Variants in KDM1B observed in about 807,000 individuals in gnomAD.
KDM1B encodes the protein lysine demethylase 1B.
In KDM1B, 63 loss-of-function variants were observed where a neutral mutation model predicts 107.4. The ratio of observed to expected loss-of-function variants is 0.59; its 90% CI spans 0.48 to 0.72. The LOEUF (loss-of-function observed/expected upper bound fraction) is 0.72. Ranked by LOEUF, KDM1B falls within the 30% of genes least tolerant of loss-of-function variation. The pLI is 0.00. For synonymous variants in KDM1B, 363 were observed against 363.9 expected (o/e 1.00, Z 0.03); for missense variants, 749 against 1,020.8 (o/e 0.73, Z 3.63).
chr6:18,187,138 T>A (rs1786919040), intron 8 of KDM1B, among the ~76,000 whole-genome samples: 1 of 152,214 alleles, frequency 6.6e-6, no homozygotes, highest in Non-Finnish European at 1.5e-5. Context: ...ACTTTCTTTT[T>A]ATTTCAGTAG....
intron 9 of KDM1B, among the ~76,000 whole-genome samples, chr6:18,188,442 T>C (rs1787032563): frequency 6.6e-6 from 1 of 152,140 alleles, no homozygotes; most frequent in Non-Finnish European, 1.5e-5. Flanking sequence ...CTGTCTTGTT[T>C]AATGATAACA....
chr6:18,163,597 A>G (rs1248045717), intron 5 of KDM1B, among the ~76,000 whole-genome samples: 1 of 152,104 alleles, frequency 6.6e-6, no homozygotes, highest in Non-Finnish European at 1.5e-5. Flanking sequence ...GTAGGTTGTG[A>G]TATTTCACAA....
intron 7 of KDM1B, among the ~76,000 whole-genome samples, chr6:18,183,875 A>G (rs1786652921): frequency 3.3e-5 from 5 of 152,100 alleles, no homozygotes; most frequent in Admixed American, 3.3e-4. Flanking sequence ...TGTTACATAC[A>G]AATGCTACTG....
chr6:18,178,905 C>T (rs1452876639), intron 7 of KDM1B, among the ~76,000 whole-genome samples: 1 of 152,124 alleles, frequency 6.6e-6, no homozygotes, highest in African/African-American at 2.4e-5. Context: ...TCTTTTTGCC[C>T]TTTTTCTTGC....
chr6:18,207,331 A>C (rs1485663165), intron 15 of KDM1B, 67 bp from the exon 16 acceptor site: 7 of 1,582,524 alleles, frequency 4.4e-6, no homozygotes, highest in Non-Finnish European at 5.2e-6. Flanking sequence ...GGAGCTCCTC[A>C]TATTGGCTCT....
intron 15 of KDM1B, 101 bp from the exon 16 acceptor site, chr6:18,207,297 C>T: frequency 1.3e-5 from 18 of 1,344,532 alleles, no homozygotes; most frequent in Non-Finnish European, 1.9e-5. Context: ...CCCTGCCCTC[C>T]TGCCTTGGTG....
intron 7 of KDM1B, among the ~76,000 whole-genome samples, chr6:18,183,329 G>A (rs901720712): frequency 1.5e-4 from 21 of 138,208 alleles, no homozygotes; most frequent in South Asian, 4.8e-4. Context: ...GTGCAATGGC[G>A]CAGTCTCGGC....
At chr6:18,189,625 A>G (rs540931766) in intron 9 of KDM1B, among the ~76,000 whole-genome samples, 1 of 152,360 alleles carries the variant, frequency 6.6e-6, no homozygotes, top group East Asian at 1.9e-4. Context: ...GAAAGTATTC[A>G]TGGTATTGTA....
At position 18,209,933 on chromosome 6, in the gene KDM1B, G is replaced by C. The variant is rs1399098842; in HGVS notation, c.1866+1727G>C. Among the ~76,000 whole-genome samples, 1 of 152,146 alleles carries C rather than the reference G, an allele frequency of 6.6e-6. No individual in the cohort carries two copies. Among genetic ancestry groups the C allele is most frequent in the Non-Finnish European group, 1.5e-5 (1 of 68,032 alleles). ...AAATTGCAAGTCACCCGACAGTTCA[G>C]CCTCTGCTGTTCTGTAGCTCCACTT... On this transcript the variant is annotated intron_variant, in intron 17 of 21. Coordinates refer to ENST00000650836, the MANE Select transcript of KDM1B (RefSeq NM_001364614.2). The surrounding 1 kb of genome is among the most constrained non-coding windows in gnomAD (Gnocchi z 4.3).
chr6:18,208,927 A>T (rs214591), intron 17 of KDM1B, among the ~76,000 whole-genome samples: 50,778 of 150,984 alleles, frequency 0.34, 8,893 homozygotes, highest in South Asian at 0.48. Flanking sequence ...GTGCTGGGGT[A>T]ACAGGCGTGA....
intron 7 of KDM1B, among the ~76,000 whole-genome samples, chr6:18,175,723 G>GTGTC (rs1192366786): frequency 1.3e-5 from 2 of 152,148 alleles, no homozygotes; most frequent in African/African-American, 4.8e-5. Context: ...GTTGTAAAGA[G>GTGTC]TGTCCTTTCC....
At chr6:18,221,718 A>G (rs1187024653) in intron 21 of KDM1B, among the ~76,000 whole-genome samples, 191 bp from the exon 22 acceptor site, 5 of 152,228 alleles carry the variant, frequency 3.3e-5, no homozygotes, top group Non-Finnish European at 5.9e-5. Context: ...ATAGCATACA[A>G]TGAGTGAATT....
chr6:18,204,010 A>G lies in KDM1B; in HGVS notation c.1532-1527A>G, dbSNP rs1044028026. The stretch of plus-strand genomic sequence containing the variant: ...GATGGGACTTCTACAAAAGTCACAG[A>G]AAGTGGCACAAAGCCCAGGGGTCTA... On this transcript the variant is annotated intron_variant, in intron 14 of 21. Transcript: ENST00000650836. This position sits in a 1 kb window ranked among gnomAD's most constrained non-coding sequence, Gnocchi z 4.9. Among the ~76,000 whole-genome samples, 2 of 152,186 alleles carry G rather than the reference A, an allele frequency of 1.3e-5. No homozygotes were observed. The highest frequency in any genetic ancestry group is 4.8e-5 in the African/African-American group (2 of 41,444).
At chr6:18,165,798 G>T (rs890119666) in intron 5 of KDM1B, among the ~76,000 whole-genome samples, 11 of 152,210 alleles carry the variant, frequency 7.2e-5, no homozygotes, top group Middle Eastern at 3.4e-3. Flanking sequence ...CTGCAGCCTG[G>T]GTGACAGAGT....
chr6:18,190,566 A>G (rs1026465628), intron 9 of KDM1B, among the ~76,000 whole-genome samples: 4 of 151,096 alleles, frequency 2.6e-5, no homozygotes, highest in African/African-American at 7.3e-5. Flanking sequence ...CGCGCCACTG[A>G]ACTCCAGCCA....
intron 10 of KDM1B, among the ~76,000 whole-genome samples, chr6:18,193,678 T>G (rs1460327067): frequency 2.0e-5 from 3 of 151,998 alleles, no homozygotes. Context: ...CAGTGTTGTA[T>G]GTGTTATTTC....
In KDM1B at chr6:18,162,757, C is replaced by T. The variant is rs1347717477; in HGVS notation, c.216-78C>T. ...ATGCAAAATGGGTTCATAGATGGTG[C>T]TTGCAAGATGTTTTTTAAAAAATGG... On this transcript the variant is annotated intron_variant, in intron 4 of 21. Coordinates refer to ENST00000650836, the MANE Select transcript of KDM1B (RefSeq NM_001364614.2). This position sits in a 1 kb window ranked among gnomAD's most constrained non-coding sequence, Gnocchi z 4.1. 8 of 818,042 alleles carry T rather than the reference C, an allele frequency of 9.8e-6. No individual in the cohort carries two copies. Among genetic ancestry groups the T allele is most frequent in the Non-Finnish European group, 1.5e-5 (7 of 472,892 alleles). The allele number at this position is 818,042 out of a possible 1,614,324, so 50.7% of individuals were successfully genotyped here.
intron 20 of KDM1B, among the ~76,000 whole-genome samples, chr6:18,216,166 A>G (rs369272602): frequency 6.6e-6 from 1 of 151,834 alleles, no homozygotes; most frequent in African/African-American, 2.4e-5. Context: ...TGCAACCTCC[A>G]CCTCCCGGGT....
At chr6:18,160,827 A>C (rs1582073302) in intron 3 of KDM1B, among the ~76,000 whole-genome samples, 2 of 114,070 alleles carry the variant, frequency 1.8e-5, no homozygotes, top group South Asian at 2.7e-4. Context: ...GACTCATGTC[A>C]CTTTTTTTTT....
Sources: allele counts gnomAD v4.1 joint callset (sites outside exome capture counted in the v4.1 genomes callset), GRCh38; gene constraint gnomAD v4.1.1; non-coding constraint Gnocchi (gnomAD v3.1); transcripts MANE v1.5; gene names NCBI Gene and HGNC (gene_info 2026-07-23, HGNC 2026-07-21).